The following APELA variants were observed in gnomAD, a reference collection of about 807,000 sequenced individuals.
APELA encodes the protein apelin receptor early endogenous ligand, also known as protein Elabela.
chr4:164,890,289 A>G (rs1730854909), intron 2 of APELA, among the ~76,000 whole-genome samples: 1 of 152,162 alleles, frequency 6.6e-6, no homozygotes, highest in Non-Finnish European at 1.5e-5. Context: ...TAAGGTGTAC[A>G]ATTTAATGGC....
chr4:164,889,250 A>G (rs1730836334), intron 2 of APELA, among the ~76,000 whole-genome samples: 1 of 152,104 alleles, frequency 6.6e-6, no homozygotes, highest in Admixed American at 6.6e-5. Flanking sequence ...ATTTATGTCA[A>G]AATTGTGCTG....
At chr4:164,885,532 G>C (rs1325174950) in intron 2 of APELA, among the ~76,000 whole-genome samples, 3 of 152,000 alleles carry the variant, frequency 2.0e-5, no homozygotes, top group Non-Finnish European at 4.4e-5. Context: ...CTTGAGGTCA[G>C]GAGTTCGAGA....
At chr4:164,877,497 C>T (rs946744328) in intron 1 of APELA, 90 bp downstream of exon 1, 1 of 398,084 alleles carries the variant, frequency 2.5e-6, no homozygotes, top group African/African-American at 2.1e-5. Context: ...CTGAAAACCA[C>T]TTAGGTGTGC....
In APELA at chr4:164,889,029, G is replaced by A. The variant is rs187340339; in HGVS notation, c.*2-6387G>A. On this transcript the variant is annotated intron_variant, in intron 2 of 2. Coordinates refer to ENST00000507152, the MANE Select transcript of APELA (RefSeq NM_001297550.2). ...ATAACTTCTTTTTTTTTGAGACAGA[G>A]TTTTGCTCTTGTTGCCCAGGCTGGA... 2.6e-3 allele frequency among the ~76,000 whole-genome samples: 399 copies of A among 152,006 alleles called. 3 individuals are homozygous for A. The highest frequency in any genetic ancestry group is 4.3e-3 in the Non-Finnish European group (294 of 67,966).
At chr4:164,898,408 A>G (rs1000230742), downstream of APELA, among the ~76,000 whole-genome samples, 3 of 151,254 alleles carry the variant, frequency 2.0e-5, no homozygotes, top group Non-Finnish European at 4.4e-5. Context: ...AGGCTGAGGC[A>G]GGAGAATTGC....
downstream of APELA, chr4:164,898,798 G>A (rs1316376617): frequency 6.6e-6 from 1 of 152,156 alleles, no homozygotes; most frequent in African/African-American, 2.4e-5. Flanking sequence ...TGAAATTAGT[G>A]AAGTCAGTGA....
At chr4:164,884,809 T>A (rs938992285) in intron 2 of APELA, among the ~76,000 whole-genome samples, 1 of 152,230 alleles carries the variant, frequency 6.6e-6, no homozygotes, top group Non-Finnish European at 1.5e-5. Flanking sequence ...AGTCCATTCT[T>A]CACCTCTTAA....
intron 2 of APELA, among the ~76,000 whole-genome samples, chr4:164,894,382 C>CAT (rs1053457672): frequency 6.6e-6 from 1 of 151,836 alleles, no homozygotes; most frequent in Non-Finnish European, 1.5e-5. Flanking sequence ...AAAACACACA[C>CAT]ATATATATTT....
chr4:164,883,438 A>G (rs1164540180), intron 2 of APELA, among the ~76,000 whole-genome samples: 1 of 151,566 alleles, frequency 6.6e-6, no homozygotes, highest in Admixed American at 6.6e-5. Flanking sequence ...CAAACTACAG[A>G]CATCTACATC....
intron 2 of APELA, among the ~76,000 whole-genome samples, chr4:164,891,004 T>C (rs1172035146): frequency 6.6e-6 from 1 of 152,222 alleles, no homozygotes; most frequent in African/African-American, 2.4e-5. Context: ...CATGTGCTTA[T>C]TGGATATTTG....
chr4:164,882,107 AT>A (rs1730663762), intron 2 of APELA, among the ~76,000 whole-genome samples: 1 of 150,812 alleles, frequency 6.6e-6, no homozygotes, highest in African/African-American at 2.4e-5. Context: ...TTTTTAATTT[AT>A]TTTTATTTTT....
At chr4:164,886,111 T>C (rs1730765640) in intron 2 of APELA, among the ~76,000 whole-genome samples, 2 of 151,836 alleles carry the variant, frequency 1.3e-5, no homozygotes, top group Non-Finnish European at 2.9e-5. Context: ...TTTATCAGTA[T>C]TGAAATATGA....
chr4:164,880,635 A>G (rs970571242), intron 2 of APELA, among the ~76,000 whole-genome samples: 5 of 152,228 alleles, frequency 3.3e-5, no homozygotes, highest in Admixed American at 3.3e-4. Flanking sequence ...AATAACAAAG[A>G]GGAGAGGACA....
chr4:164,886,577 T>C (rs1410616403), intron 2 of APELA, among the ~76,000 whole-genome samples: 2 of 152,016 alleles, frequency 1.3e-5, no homozygotes, highest in Non-Finnish European at 2.9e-5. Context: ...AGCCGAGGGG[T>C]TGAGGCTATA....
At chr4:164,878,196 A>AGAAAGAAAG (rs1553970694) in intron 1 of APELA, among the ~76,000 whole-genome samples, 35 of 143,470 alleles carry the variant, frequency 2.4e-4, no homozygotes, top group African/African-American at 6.6e-4. Context: ...AGAAACAGAA[A>AGAAAGAAAG]AAAGAAAGAA....
downstream of APELA, among the ~76,000 whole-genome samples, chr4:164,898,047 T>C (rs961789132): frequency 2.6e-5 from 4 of 151,872 alleles, no homozygotes; most frequent in Admixed American, 1.3e-4. Flanking sequence ...CCCACCACCA[T>C]GTCCAGCTAA....
chr4:164,879,512 C>A (rs1730619300), intron 2 of APELA, among the ~76,000 whole-genome samples: 2 of 151,950 alleles, frequency 1.3e-5, no homozygotes. Flanking sequence ...TGATGTGATC[C>A]CAGCTCATTG....
At chr4:164,882,335 T>C (rs778771176) in intron 2 of APELA, among the ~76,000 whole-genome samples, 1 of 151,802 alleles carries the variant, frequency 6.6e-6, no homozygotes, top group East Asian at 1.9e-4. Flanking sequence ...ACTCCCGACC[T>C]CAGGTGATCT....
At chr4:164,882,365 A>G (rs1730670757) in intron 2 of APELA, among the ~76,000 whole-genome samples, 1 of 152,090 alleles carries the variant, frequency 6.6e-6, no homozygotes, top group Non-Finnish European at 1.5e-5. Context: ...CAGACTCCCA[A>G]AGTGCTGGGA....
Sources: allele counts gnomAD v4.1 joint callset (sites outside exome capture counted in the v4.1 genomes callset), GRCh38; gene constraint gnomAD v4.1.1; transcripts MANE v1.5; gene names NCBI Gene and HGNC (gene_info 2026-07-23, HGNC 2026-07-21).